The following CLSTN2 variants were observed in gnomAD, a reference collection of about 807,000 sequenced individuals.
CLSTN2 encodes the protein calsyntenin 2.
Under a neutral mutation model 101.2 loss-of-function variants are expected in CLSTN2, and 48 were observed. The ratio of observed to expected loss-of-function variants is 0.47; its 90% confidence interval spans 0.38 to 0.60. The LOEUF (loss-of-function observed/expected upper bound fraction) is 0.60. Ranked by LOEUF, CLSTN2 falls within the 20% of genes least tolerant of loss-of-function variation. The pLI is 0.00. For synonymous variants in CLSTN2, 481 were observed against 463.6 expected, an observed-to-expected ratio of 1.04 and a Z score of -0.48; for missense variants, 1,160 against 1,238.2, an observed-to-expected ratio of 0.94 and a Z score of 0.95.
chr3:140,416,481 C>A (rs1167183960), intron 4 of CLSTN2, among the ~76,000 whole-genome samples: 1 of 152,134 alleles, frequency 6.6e-6, no homozygotes, highest in African/African-American at 2.4e-5. Flanking sequence ...ATTAAAACAT[C>A]ACATTGTATA....
At chr3:139,947,659 T>C (rs1444663118) in intron 1 of CLSTN2, among the ~76,000 whole-genome samples, 1 of 152,190 alleles carries the variant, frequency 6.6e-6, no homozygotes, top group African/African-American at 2.4e-5. Context: ...CCTTCCTAGA[T>C]TTATTTTTGT....
intron 1 of CLSTN2, among the ~76,000 whole-genome samples, chr3:140,048,701 G>A (rs930193040): frequency 1.3e-5 from 2 of 151,214 alleles, no homozygotes; most frequent in African/African-American, 2.5e-5. Flanking sequence ...CTTCCTTACT[G>A]GGGGGAGTGG....
intron 2 of CLSTN2, among the ~76,000 whole-genome samples, chr3:140,230,869 A>G (rs1008657469): frequency 6.6e-6 from 1 of 152,100 alleles, no homozygotes; most frequent in African/African-American, 2.4e-5. Flanking sequence ...GCACTCCTTC[A>G]TTATATTTAG....
intron 1 of CLSTN2, among the ~76,000 whole-genome samples, chr3:139,984,376 C>T (rs953577156): frequency 1.3e-5 from 2 of 152,152 alleles, no homozygotes; most frequent in Non-Finnish European, 2.9e-5. Context: ...CATCTAGTCA[C>T]TCTCTCTGCT....
chr3:140,542,965 A>G (rs1355347713), intron 9 of CLSTN2, among the ~76,000 whole-genome samples: 1 of 152,106 alleles, frequency 6.6e-6, no homozygotes, highest in African/African-American at 2.4e-5. Context: ...CACACATTTT[A>G]CCACTTTCTA....
intron 1 of CLSTN2, among the ~76,000 whole-genome samples, chr3:140,129,950 C>T (rs1001627001): frequency 2.0e-5 from 3 of 152,208 alleles, no homozygotes; most frequent in Non-Finnish European, 4.4e-5. Context: ...GGGGACACAG[C>T]GTTGTCCTGG....
chr3:140,216,902 G>T (rs751332676), intron 2 of CLSTN2, among the ~76,000 whole-genome samples: 1 of 152,150 alleles, frequency 6.6e-6, no homozygotes, highest in Non-Finnish European at 1.5e-5. Context: ...CATATGCCAG[G>T]CTCTGTCATA....
At chr3:140,322,160 TG>T (rs895628206) in intron 2 of CLSTN2, among the ~76,000 whole-genome samples, 20 of 152,216 alleles carry the variant, frequency 1.3e-4, no homozygotes, top group Non-Finnish European at 2.9e-5. Flanking sequence ...ACTACAGTGT[TG>T]GGGAGAGGCA....
chr3:140,227,426 G>C (rs2086332794), intron 2 of CLSTN2, among the ~76,000 whole-genome samples: 1 of 152,212 alleles, frequency 6.6e-6, no homozygotes, highest in African/African-American at 2.4e-5. Flanking sequence ...CTACATTACT[G>C]TGGCTTCACA....
Position 140,354,758 on chromosome 3 carries a change from C to T in CLSTN2, c.233-48871C>T, listed in dbSNP as rs564332855. Among the ~76,000 whole-genome samples the T allele has an allele frequency of 4.6e-5, 7 of 152,302 alleles. No individual in the cohort carries two copies. In the South Asian group the frequency reaches 1.0e-3, roughly 23 times the overall value. ...TGAAAAAAGTAACTCCTTTTAACTACCTTTTGTATAAGACAGACTCCAAAA... is the reference window on the plus strand; with the variant it reads ...TGAAAAAAGTAACTCCTTTTAACTATCTTTTGTATAAGACAGACTCCAAAA... On this transcript the variant is annotated intron_variant, in intron 2 of 16. Transcript: ENST00000458420.
chr3:140,083,201 TGTC>T (rs1207951936), intron 1 of CLSTN2, among the ~76,000 whole-genome samples: 1 of 152,172 alleles, frequency 6.6e-6, no homozygotes, highest in African/African-American at 2.4e-5. Context: ...GAATATTTAA[TGTC>T]GTCTTCTCAA....
chr3:140,559,178 A>AC (rs1491104910), intron 12 of CLSTN2, among the ~76,000 whole-genome samples: 4 of 151,434 alleles, frequency 2.6e-5, no homozygotes, highest in African/African-American at 9.7e-5. Context: ...AAAAAAAAAA[A>AC]CACAGAAAAA....
chr3:140,480,270 T>A (rs1209606462), intron 8 of CLSTN2, among the ~76,000 whole-genome samples: 2 of 152,344 alleles, frequency 1.3e-5, no homozygotes, highest in African/African-American at 2.4e-5. Flanking sequence ...ACAAAGGACA[T>A]GAACTCATCA....
chr3:140,001,813 A>G (rs1197614304), intron 1 of CLSTN2, among the ~76,000 whole-genome samples: 4 of 150,874 alleles, frequency 2.7e-5, no homozygotes, highest in Non-Finnish European at 5.9e-5. Context: ...TCTACTCTCT[A>G]TCTTCATGAG....
intron 1 of CLSTN2, among the ~76,000 whole-genome samples, chr3:140,142,704 G>C (rs749846974): frequency 6.6e-6 from 1 of 152,114 alleles, no homozygotes. Context: ...GGTGCTGTTG[G>C]GTCCTTTCGT....
intron 2 of CLSTN2, among the ~76,000 whole-genome samples, chr3:140,263,945 T>C (rs1433804216): frequency 6.6e-6 from 1 of 152,150 alleles, no homozygotes; most frequent in Non-Finnish European, 1.5e-5. Flanking sequence ...CAGTGTTCAT[T>C]ATTTACAAAT....
chr3:140,130,680 A>T (rs1473905961), intron 1 of CLSTN2, among the ~76,000 whole-genome samples: 1 of 152,202 alleles, frequency 6.6e-6, no homozygotes. Context: ...TGGGAGAAGC[A>T]CAGGGGACTT....
At chr3:140,277,163 G>A (rs991434381) in intron 2 of CLSTN2, among the ~76,000 whole-genome samples, 6 of 152,176 alleles carry the variant, frequency 3.9e-5, no homozygotes, top group African/African-American at 1.4e-4. Flanking sequence ...AAGAAGTAGG[G>A]CCAGATATGG....
intron 8 of CLSTN2, among the ~76,000 whole-genome samples, chr3:140,522,422 T>C (rs1935049924): frequency 6.6e-6 from 1 of 152,224 alleles, no homozygotes; most frequent in Non-Finnish European, 1.5e-5. Flanking sequence ...CTGGTTTGCA[T>C]GGTTCCAATC....
Sources: gnomAD v4.1 joint callset for allele counts (sites outside exome capture counted in the v4.1 genomes callset) on GRCh38, gnomAD v4.1.1 for gene constraint, MANE v1.5 for transcripts, NCBI Gene and HGNC (gene_info 2026-07-23, HGNC 2026-07-21) for gene names.